Variants in TDRD7 observed in about 807,000 individuals in gnomAD.
TDRD7 encodes tudor domain containing 7, also known as tudor domain-containing protein 7.
A neutral mutation model predicts 109.8 loss-of-function variants in TDRD7; 47 were observed. The ratio of observed to expected loss-of-function variants is 0.43; its 90% CI spans 0.34 to 0.55. The LOEUF is 0.55. Among genes scored for constraint, TDRD7 ranks in the 20% least tolerant of loss-of-function variants. TDRD7 has a pLI of 0.03. For synonymous variants in TDRD7, 424 were observed against 457.3 expected, an observed-to-expected ratio of 0.93 and a Z score of 0.93; for missense variants, 1,164 against 1,319.2, an observed-to-expected ratio of 0.88 and a Z score of 1.82.
At position 97,444,448 on chromosome 9, in the gene TDRD7, T is replaced by A. The variant is rs16920407; in HGVS notation, c.855+2573T>A. 8.0e-3 allele frequency among the ~76,000 whole-genome samples: 1,220 copies of A among 152,342 alleles called. 44 individuals are homozygous for A. In the East Asian group the frequency reaches 0.11, roughly 13 times the overall value. On this transcript the variant is annotated intron_variant, in intron 6 of 16. Coordinates refer to ENST00000355295, the MANE Select transcript of TDRD7 (RefSeq NM_014290.3). ...TAGACAGTTAAACCATGGTTATTTT[T>A]AAACAGCTTTAAACACTTACACAAT...
chr9:97,433,256 T>G (rs957448604), intron 4 of TDRD7, among the ~76,000 whole-genome samples: 3 of 151,952 alleles, frequency 2.0e-5, no homozygotes, highest in Non-Finnish European at 2.9e-5. Context: ...TACTAATTTT[T>G]TATATTACAG....
rs573833713 is a variant in TDRD7, at chr9:97,441,949, A to G, written c.855+74A>G. Reference sequence around the variant, plus strand: ...TTTGAGATCTTGAGTTATTAGTCATATCACCTTTTATCCCCAGAAGACAAA... The same window carrying G: ...TTTGAGATCTTGAGTTATTAGTCATGTCACCTTTTATCCCCAGAAGACAAA... On this transcript the variant is annotated intron_variant, in intron 6 of 16. Coordinates refer to ENST00000355295, the MANE Select transcript of TDRD7 (RefSeq NM_014290.3). 1.9e-4 allele frequency: 231 copies of G among 1,207,782 alleles called. 2 individuals are homozygous for G. The South Asian group carries it at 2.7e-3, about 14-fold the overall frequency. 74.8% of individuals were successfully genotyped at this position (1,207,782 alleles called of 1,614,324 possible).
At chr9:97,413,170 A>G (rs1416820046) in intron 1 of TDRD7, among the ~76,000 whole-genome samples, 1 of 152,206 alleles carries the variant, frequency 6.6e-6, no homozygotes, top group Non-Finnish European at 1.5e-5. Context: ...AAAAAAATGC[A>G]GAGAAATGTT....
chr9:97,429,791 A>C (rs983995333), intron 2 of TDRD7, among the ~76,000 whole-genome samples: 2 of 152,136 alleles, frequency 1.3e-5, no homozygotes, highest in Non-Finnish European at 2.9e-5. Context: ...TAAGTTTATT[A>C]AGGATGAAGG....
intron 7 of TDRD7, 73 bp downstream of exon 7, chr9:97,460,837 G>A: frequency 1.4e-6 from 2 of 1,392,792 alleles, no homozygotes; most frequent in Non-Finnish European, 2.0e-6. Flanking sequence ...CATGGATGTT[G>A]AGGGTTAAAG....
Position 97,483,220 on chromosome 9 carries a change from C to T in TDRD7, c.2784C>T (p.Val928=), listed in dbSNP as rs1423138533. The T allele has an allele frequency of 6.2e-7, 1 of 1,613,176 alleles. No homozygotes were observed. The highest frequency in any genetic ancestry group is 1.1e-5 in the South Asian group (1 of 91,054). The change falls in exon 15 of 17, where the codon GTC becomes GTT. Residue 928 remains valine, a synonymous_variant. Transcript: ENST00000355295. ...TGGCCTGTCACCCAGGCTACTTCGT[C>T]ATCCAGCCTTGGCAGGAGATACATA... is the stretch of plus-strand genomic sequence containing the variant. ...VPVACHPGYF[V]IQPWQEIHKL...
At chr9:97,438,399 C>A (rs59837265) in intron 4 of TDRD7, among the ~76,000 whole-genome samples, 10,959 of 152,182 alleles carry the variant, frequency 0.072, 626 homozygotes, top group African/African-American at 0.16. Flanking sequence ...CACTATCACT[C>A]ACTATAGTCC....
At chr9:97,487,063 A>G (rs1331171991) in intron 15 of TDRD7, 109 bp from the exon 16 acceptor site, 8 of 1,218,296 alleles carry the variant, frequency 6.6e-6, no homozygotes, top group South Asian at 2.7e-5. Flanking sequence ...AAATTTTGAT[A>G]AACATAATTT....
chr9:97,443,097 C>T (rs1480417649), intron 6 of TDRD7, among the ~76,000 whole-genome samples: 4 of 152,236 alleles, frequency 2.6e-5, no homozygotes, highest in East Asian at 1.9e-4. Context: ...CATGCCTGGC[C>T]GAAAACATGT....
At chr9:97,476,448 G>GCCA (rs1829019884) in intron 12 of TDRD7, among the ~76,000 whole-genome samples, 1 of 151,504 alleles carries the variant, frequency 6.6e-6, no homozygotes, top group South Asian at 2.1e-4. Flanking sequence ...GTTTGAGGTG[G>GCCA]CACACACCTA....
intron 1 of TDRD7, among the ~76,000 whole-genome samples, chr9:97,413,738 G>A (rs1827764036): frequency 6.6e-6 from 1 of 152,218 alleles, no homozygotes; most frequent in Non-Finnish European, 1.5e-5. Context: ...GGGCCCTTTG[G>A]TGGCACACAG....
intron 4 of TDRD7, among the ~76,000 whole-genome samples, chr9:97,435,178 A>T (rs2118325293): frequency 6.6e-6 from 1 of 152,230 alleles, no homozygotes; most frequent in East Asian, 1.9e-4. Flanking sequence ...TGGAAATCTG[A>T]ATAAGCTCTG....
At chr9:97,456,011 G>A (rs572984982) in intron 6 of TDRD7, among the ~76,000 whole-genome samples, 14 of 152,246 alleles carry the variant, frequency 9.2e-5, no homozygotes, top group South Asian at 6.2e-4. Flanking sequence ...AAAATCACAA[G>A]CATTTCTTTA....
intron 1 of TDRD7, among the ~76,000 whole-genome samples, chr9:97,418,391 C>T (rs1381160042): frequency 2.0e-5 from 3 of 152,034 alleles, no homozygotes; most frequent in Non-Finnish European, 4.4e-5. Flanking sequence ...GGTCACGAGA[C>T]ATCTGCTATA....
chr9:97,412,160 GCGGCGGGGCCCC>G lies in TDRD7; in HGVS notation c.-84_-73del, dbSNP rs1827725173. ...GGGAAACCGAAAGTGGGCGGCGGCC[GCGGCGGGGCCCC>G]TGGCGGAGACGGCGGCAGGAGCTGG... On this transcript the variant is annotated 5_prime_UTR_variant, in exon 1 of 17. Transcript: ENST00000355295. This position sits in a 1 kb window ranked among gnomAD's most constrained non-coding sequence, Gnocchi z 4.3. 1 of 154,336 alleles carries G rather than the reference GCGGCGGGGCCCC, an allele frequency of 6.5e-6. No individual in the cohort carries two copies. The allele number at this position is 154,336 out of a possible 1,614,324, so 9.6% of individuals were successfully genotyped here. A position where few individuals can be genotyped will look rare whatever the true frequency, so the allele number is the denominator to read the frequency against.
intron 8 of TDRD7, among the ~76,000 whole-genome samples, chr9:97,469,751 A>G (rs1828880731): frequency 6.6e-6 from 1 of 152,086 alleles, no homozygotes; most frequent in African/African-American, 2.4e-5. Flanking sequence ...TATTTTTCTC[A>G]AAAAAAGGCT....
intron 6 of TDRD7, among the ~76,000 whole-genome samples, chr9:97,454,879 C>T (rs535094035): frequency 4.6e-5 from 7 of 152,092 alleles, no homozygotes; most frequent in African/African-American, 7.2e-5. Context: ...TCCAAAAAAT[C>T]GACGAATCCA....
chr9:97,449,160 TACTC>T (rs1339312018), intron 6 of TDRD7, among the ~76,000 whole-genome samples: 1 of 152,200 alleles, frequency 6.6e-6, no homozygotes, highest in Admixed American at 6.5e-5. Context: ...TTGGAAAAAA[TACTC>T]AAACTATGTT....
chr9:97,476,965 G>A (rs1378777589), intron 12 of TDRD7, among the ~76,000 whole-genome samples: 1 of 152,086 alleles, frequency 6.6e-6, no homozygotes, highest in East Asian at 1.9e-4. Flanking sequence ...TATGTCAGAA[G>A]GCTGAAATCT....
Sources: gnomAD v4.1 joint callset for allele counts (sites outside exome capture counted in the v4.1 genomes callset) on GRCh38, gnomAD v4.1.1 for gene constraint, Gnocchi (gnomAD v3.1) non-coding constraint, MANE v1.5 for transcripts, NCBI Gene and HGNC (gene_info 2026-07-23, HGNC 2026-07-21) for gene names.